The following CACNA1E variants were observed in gnomAD, a reference collection of about 807,000 sequenced individuals.
The protein encoded by CACNA1E is calcium voltage-gated channel subunit alpha1 E.
A neutral mutation model predicts 259.2 loss-of-function variants in CACNA1E; 40 were observed. That is an observed-to-expected ratio of 0.15 (90% confidence interval 0.12 to 0.20). The LOEUF (loss-of-function observed/expected upper bound fraction) is 0.20. CACNA1E is among the 10% of genes least tolerant of loss of function. The pLI, the probability that CACNA1E is intolerant of heterozygous loss-of-function variation, is 1.00. For missense variants in CACNA1E, 1,874 were observed against 3,040.1 expected (o/e 0.62, Z 9.02); for synonymous variants, 1,104 against 1,138.5 (o/e 0.97, Z 0.61).
At chr1:181,616,363 T>G (rs868093339) in intron 6 of CACNA1E, among the ~76,000 whole-genome samples, 6 of 152,282 alleles carry the variant, frequency 3.9e-5, no homozygotes, top group Middle Eastern at 3.4e-3. Flanking sequence ...TGTTTTTTAT[T>G]GTGGTTTCTA....
chr1:181,508,277 G>C (rs917598805), intron 1 of CACNA1E, among the ~76,000 whole-genome samples: 3 of 152,084 alleles, frequency 2.0e-5, no homozygotes, highest in African/African-American at 7.2e-5. Flanking sequence ...TTCTCTCATT[G>C]GTTGATTGCA....
intron 6 of CACNA1E, among the ~76,000 whole-genome samples, chr1:181,637,441 TCCC>T (rs1229330350): frequency 3.1e-5 from 3 of 96,176 alleles, no homozygotes; most frequent in African/African-American, 7.7e-5. Flanking sequence ...CTTCCCTCCC[TCCC>T]TCCCTCCCTC....
rs139133890 is a variant in CACNA1E at position 181,554,856 on chromosome 1, T to C, written c.513-22910T>C. Among the ~76,000 whole-genome samples the C allele has an allele frequency of 2.6e-5, 4 of 152,324 alleles. No homozygotes were observed. The East Asian group carries it at 7.7e-4, about 29-fold the overall frequency. ...GCTTGTTTGGATGTCTTATCAGTGC[T>C]GGATCTAAGTGAGCATTTAATTTGG... On this transcript the variant is annotated intron_variant, in intron 3 of 47. Coordinates refer to ENST00000367573, the MANE Select transcript of CACNA1E (RefSeq NM_001205293.3).
At chr1:181,619,011 T>G (rs547076768) in intron 6 of CACNA1E, among the ~76,000 whole-genome samples, 44 of 152,282 alleles carry the variant, frequency 2.9e-4, no homozygotes, top group African/African-American at 1.1e-3. Flanking sequence ...ATATAACAAA[T>G]TTTTGTTGAG....
intron 1 of CACNA1E, among the ~76,000 whole-genome samples, chr1:181,394,461 T>C (rs1056585724): frequency 6.6e-6 from 1 of 152,200 alleles, no homozygotes; most frequent in African/African-American, 2.4e-5. Context: ...ATGCCAAAAA[T>C]CCTTAAGGGT....
At chr1:181,346,395 C>A (rs1022239897) in intron 1 of CACNA1E, among the ~76,000 whole-genome samples, 14 of 152,208 alleles carry the variant, frequency 9.2e-5, no homozygotes, top group African/African-American at 3.4e-4. Flanking sequence ...AGAATGCAGG[C>A]TACAGAAGGA....
At chr1:181,447,806 G>T (rs558313052) in intron 2 of CACNA1E, among the ~76,000 whole-genome samples, 1 of 152,168 alleles carries the variant, frequency 6.6e-6, no homozygotes, top group Non-Finnish European at 1.5e-5. Flanking sequence ...TGGCTGTAGG[G>T]TCGCAGTTTC....
chr1:181,594,682 G>A (rs1477884886), intron 6 of CACNA1E, among the ~76,000 whole-genome samples: 1 of 152,198 alleles, frequency 6.6e-6, no homozygotes, highest in Non-Finnish European at 1.5e-5. Context: ...ACAGACATGA[G>A]CCACCGCACC....
chr1:181,638,248 C>T (rs1430200217), intron 6 of CACNA1E, among the ~76,000 whole-genome samples: 3 of 152,146 alleles, frequency 2.0e-5, no homozygotes, highest in Non-Finnish European at 4.4e-5. Flanking sequence ...ATCTGACATC[C>T]AGAGCAGGGA....
At chr1:181,785,939 A>G in intron 43 of CACNA1E, 120 bp downstream of exon 43, 3 of 666,572 alleles carry the variant, frequency 4.5e-6, no homozygotes, top group Non-Finnish European at 5.3e-6. Flanking sequence ...AGCTTGAGTG[A>G]TCCTTTTTCT....
intron 25 of CACNA1E, among the ~76,000 whole-genome samples, chr1:181,742,887 A>G (rs1656710695): frequency 6.6e-6 from 1 of 152,152 alleles, no homozygotes; most frequent in Non-Finnish European, 1.5e-5. Flanking sequence ...TCCATTAGGG[A>G]ACTTTATTGA....
intron 3 of CACNA1E, among the ~76,000 whole-genome samples, chr1:181,562,105 A>C (rs1038517481): frequency 2.0e-5 from 3 of 151,824 alleles, no homozygotes; most frequent in African/African-American, 7.3e-5. Context: ...TTTATTATTT[A>C]GTTGTAGATG....
Position 181,733,509 on chromosome 1 carries a change from C to A in CACNA1E, c.3021C>A (p.Val1007=), listed in dbSNP as rs776508691. The A allele has an allele frequency of 6.2e-7, 1 of 1,606,360 alleles. No individual in the cohort carries two copies. The highest frequency in any genetic ancestry group is 1.7e-5 in the Admixed American group (1 of 59,538). ...GGLDEADTPL[V]LPHPELEVGK... ...TTGATGAGGCTGACACCCCCCTAGT[C>A]CTGCCCCATCCTGAGCTGGAAGTGG... is the stretch of plus-strand genomic sequence containing the variant. Residue 1007 remains valine, a synonymous_variant, in exon 21 of 48, where the codon GTC becomes GTA. Coordinates refer to ENST00000367573, the MANE Select transcript of CACNA1E (RefSeq NM_001205293.3).
chr1:181,393,483 G>A (rs1285018499), intron 1 of CACNA1E, among the ~76,000 whole-genome samples: 1 of 151,976 alleles, frequency 6.6e-6, no homozygotes, highest in Non-Finnish European at 1.5e-5. Flanking sequence ...TCTGAAACAG[G>A]GTCTCCCTCT....
intron 19 of CACNA1E, among the ~76,000 whole-genome samples, chr1:181,731,455 G>A (rs1655468199): frequency 6.6e-6 from 1 of 152,098 alleles, no homozygotes; most frequent in African/African-American, 2.4e-5. Flanking sequence ...TGTGTTTTTC[G>A]CTCTTCAGTC....
chr1:181,355,587 CAAACAAAACA>C lies in CACNA1E; in HGVS notation c.-15+37502_-15+37511del, dbSNP rs142997966. ...TGGGTGACAGAGTGAGACTCCATCT[CAAACAAAACA>C]AAACAAAACAAAACAAAACAAAACA... On this transcript the variant is annotated intron_variant, in intron 1 of 11. Coordinates refer to the CACNA1E transcript ENST00000524607. Among the ~76,000 whole-genome samples, 1,198 of 148,586 alleles carry C rather than the reference CAAACAAAACA, an allele frequency of 8.1e-3. 6 individuals carry two copies. The highest frequency in any genetic ancestry group is 0.019 in the South Asian group (88 of 4,578).
Position 181,377,555 on chromosome 1 carries a change from G to T in CACNA1E, c.-14-35578G>T, listed in dbSNP as rs551210320. Among the ~76,000 whole-genome samples the T allele has an allele frequency of 2.0e-5, 3 of 152,230 alleles. No homozygotes were observed. The East Asian group carries it at 5.8e-4, about 29-fold the overall frequency. The stretch of plus-strand genomic sequence containing the variant: ...TAGGATAAAACTTAAAATTCAGGAA[G>T]CATCTTCTAAAATAATTATCTTCTG... On this transcript the variant is annotated intron_variant, in intron 1 of 11. Coordinates refer to the CACNA1E transcript ENST00000524607.
chr1:181,678,023 G>C (rs1649552554), intron 7 of CACNA1E, among the ~76,000 whole-genome samples: 1 of 152,220 alleles, frequency 6.6e-6, no homozygotes, highest in African/African-American at 2.4e-5. Context: ...GGAGGGGGCA[G>C]GATGACCATG....
chr1:181,580,409 A>G (rs1391097604), intron 5 of CACNA1E, among the ~76,000 whole-genome samples, 186 bp from the exon 6 acceptor site: 1 of 152,180 alleles, frequency 6.6e-6, no homozygotes, highest in Non-Finnish European at 1.5e-5. Flanking sequence ...GAAACATTGG[A>G]TTGAACACAT....
Sources: gnomAD v4.1 joint callset for allele counts (sites outside exome capture counted in the v4.1 genomes callset) on GRCh38, gnomAD v4.1.1 for gene constraint, MANE v1.5 for transcripts, NCBI Gene and HGNC (gene_info 2026-07-23, HGNC 2026-07-21) for gene names.